Variants in JAM3 observed in about 807,000 individuals in gnomAD.
JAM3 encodes the protein junctional adhesion molecule 3.
A neutral mutation model predicts 39.4 loss-of-function variants in JAM3; 31 were observed. The observed-to-expected ratio is 0.79, with a 90% confidence interval of 0.59 to 1.06. The LOEUF is 1.06. Among genes scored for constraint, JAM3 ranks in the 50% least tolerant of loss-of-function variants. The pLI is 0.00. For missense variants in JAM3, 455 were observed against 391.4 expected, an observed-to-expected ratio of 1.16 and a Z score of -1.37; for synonymous variants, 182 against 148.7, an observed-to-expected ratio of 1.22 and a Z score of -1.63.
At chr11:134,085,849 G>A (rs1941739458) in intron 1 of JAM3, among the ~76,000 whole-genome samples, 3 of 152,152 alleles carry the variant, frequency 2.0e-5, no homozygotes, top group African/African-American at 7.2e-5. Context: ...TTTAGTTGTG[G>A]GTTTGGGAGT....
At chr11:134,099,263 A>G (rs1273864629) in intron 1 of JAM3, among the ~76,000 whole-genome samples, 3 of 152,166 alleles carry the variant, frequency 2.0e-5, no homozygotes. Flanking sequence ...TAATTGTAAA[A>G]TGAAGGTTTC....
At chr11:134,071,886 G>T (rs1302500896) in intron 1 of JAM3, among the ~76,000 whole-genome samples, 1 of 152,130 alleles carries the variant, frequency 6.6e-6, no homozygotes, top group Non-Finnish European at 1.5e-5. Flanking sequence ...TATATCAGCT[G>T]CTCATTCCCA....
At chr11:134,147,459 CAAAA>C (rs557379286) in intron 6 of JAM3, among the ~76,000 whole-genome samples, 20,750 of 70,800 alleles carry the variant, frequency 0.29, 2,052 homozygotes, top group African/African-American at 0.35. Flanking sequence ...GACTCTGTCT[CAAAA>C]AAAAAAAAAA....
chr11:134,111,030 A>G (rs137933164), intron 1 of JAM3, among the ~76,000 whole-genome samples: 60 of 152,032 alleles, frequency 3.9e-4, no homozygotes, highest in Middle Eastern at 3.4e-3. Flanking sequence ...CTTAGGGTAT[A>G]AGAATATATG....
chr11:134,144,501 CT>C, intron 4 of JAM3, 108 bp downstream of exon 4: 1 of 1,344,660 alleles, frequency 7.4e-7, no homozygotes, highest in Non-Finnish European at 1.1e-6. Flanking sequence ...CTTCACATGG[CT>C]TAGGGAGGGG....
At chr11:134,115,248 T>C (rs1479407019) in intron 1 of JAM3, among the ~76,000 whole-genome samples, 2 of 152,174 alleles carry the variant, frequency 1.3e-5, no homozygotes, top group East Asian at 1.9e-4. Flanking sequence ...TTCATCCTTT[T>C]ATTTTGAAGC....
In JAM3 at chr11:134,149,247, A is replaced by C. The variant is rs1429751920; in HGVS notation, c.*66A>C. 2.5e-6 allele frequency: 4 copies of C among 1,600,752 alleles called. No individual in the cohort carries two copies. Among genetic ancestry groups the C allele is most frequent in the African/African-American group, 1.3e-5 (1 of 74,678 alleles). On this transcript the variant is annotated 3_prime_UTR_variant, in exon 9 of 9. Coordinates refer to ENST00000299106, the MANE Select transcript of JAM3 (RefSeq NM_032801.5). The stretch of plus-strand genomic sequence containing the variant: ...CATACCTCTGCTAGAAACTCCTGTC[A>C]AGGCAGCGAGAGCTGATGCACTCGG...
chr11:134,107,032 C>T (rs1463854616), intron 1 of JAM3, among the ~76,000 whole-genome samples: 5 of 152,238 alleles, frequency 3.3e-5, no homozygotes, highest in Middle Eastern at 3.4e-3. Context: ...CACATGCACA[C>T]GTATGTGTAT....
intron 1 of JAM3, among the ~76,000 whole-genome samples, chr11:134,124,835 C>T (rs895281704): frequency 3.9e-5 from 6 of 152,250 alleles, no homozygotes; most frequent in Non-Finnish European, 7.3e-5. Flanking sequence ...GTGCTGAGCC[C>T]GGCAGAAGTC....
At chr11:134,135,209 G>A (rs1193879378) in intron 1 of JAM3, among the ~76,000 whole-genome samples, 2 of 152,140 alleles carry the variant, frequency 1.3e-5, no homozygotes, top group African/African-American at 2.4e-5. Context: ...TTAATATAAG[G>A]GTCTAACTTC....
At chr11:134,128,078 A>G (rs1942686834) in intron 1 of JAM3, among the ~76,000 whole-genome samples, 1 of 152,158 alleles carries the variant, frequency 6.6e-6, no homozygotes, top group South Asian at 2.1e-4. Flanking sequence ...TTAAAAAAAA[A>G]AGGAAAAGAA....
intron 1 of JAM3, among the ~76,000 whole-genome samples, chr11:134,112,008 C>G (rs1055335633): frequency 6.6e-6 from 1 of 152,188 alleles, no homozygotes; most frequent in East Asian, 1.9e-4. Flanking sequence ...GACAGTGGAT[C>G]TCTAAACGTG....
At chr11:134,069,861 G>A (rs2120548531) in intron 1 of JAM3, among the ~76,000 whole-genome samples, 1 of 152,294 alleles carries the variant, frequency 6.6e-6, no homozygotes, top group South Asian at 2.1e-4. Flanking sequence ...TTCTTTTACA[G>A]AAATAAAATG....
intron 1 of JAM3, among the ~76,000 whole-genome samples, chr11:134,133,681 G>A (rs561208356): frequency 1.2e-4 from 19 of 152,188 alleles, no homozygotes; most frequent in Non-Finnish European, 2.5e-4. Flanking sequence ...AGGGGAGTGG[G>A]GACTGAGACA....
chr11:134,118,791 T>C (rs1942483743), intron 1 of JAM3, among the ~76,000 whole-genome samples: 1 of 152,306 alleles, frequency 6.6e-6, no homozygotes, highest in African/African-American at 2.4e-5. Flanking sequence ...CTCCCCATGA[T>C]AATCCTGGAC....
chr11:134,114,423 C>G (rs1331093564), intron 1 of JAM3, among the ~76,000 whole-genome samples: 1 of 152,140 alleles, frequency 6.6e-6, no homozygotes, highest in East Asian at 1.9e-4. Flanking sequence ...TTTCCCAGCA[C>G]CATTTATTAA....
chr11:134,141,832 G>A (rs974560483), intron 3 of JAM3, among the ~76,000 whole-genome samples: 3 of 152,184 alleles, frequency 2.0e-5, no homozygotes, highest in Admixed American at 6.5e-5. Context: ...GGCGGGAGCT[G>A]CAGGAGGTAC....
At chr11:134,085,760 G>A (rs558524549) in intron 1 of JAM3, among the ~76,000 whole-genome samples, 30 of 152,216 alleles carry the variant, frequency 2.0e-4, no homozygotes, top group African/African-American at 5.8e-4. Context: ...TCTGTGTAGC[G>A]TAATATTTGG....
chr11:134,098,811 C>T (rs1942027505), intron 1 of JAM3, among the ~76,000 whole-genome samples: 1 of 152,140 alleles, frequency 6.6e-6, no homozygotes, highest in Admixed American at 6.5e-5. Flanking sequence ...GTAAGCACTC[C>T]TTCAGCTAGC....
Sources: allele counts gnomAD v4.1 joint callset (sites outside exome capture counted in the v4.1 genomes callset), GRCh38; gene constraint gnomAD v4.1.1; transcripts MANE v1.5; gene names NCBI Gene and HGNC (gene_info 2026-07-23, HGNC 2026-07-21).